Variants in MCPH1 observed in about 807,000 individuals in gnomAD.
MCPH1 encodes the protein microcephalin 1.
In MCPH1, 104 loss-of-function variants were observed where a neutral mutation model predicts 84.5. The observed-to-expected ratio is 1.23, with a 90% CI of 1.05 to 1.45. MCPH1 has a LOEUF of 1.45. MCPH1 is among the 40% of genes most tolerant of loss of function. MCPH1 has a pLI of 0.00. For missense variants in MCPH1, 1,498 were observed against 1,005.7 expected, an observed-to-expected ratio of 1.49 and a Z score of -6.62; for synonymous variants, 514 against 366.8, an observed-to-expected ratio of 1.40 and a Z score of -4.58.
At chr8:6,492,993 A>T (rs1196204822) in intron 11 of MCPH1, among the ~76,000 whole-genome samples, 1 of 152,162 alleles carries the variant, frequency 6.6e-6, no homozygotes, top group African/African-American at 2.4e-5. Context: ...TGCTCTTAGT[A>T]GCCATAATAT....
chr8:6,541,001 C>G (rs1349418156), intron 12 of MCPH1, among the ~76,000 whole-genome samples: 1 of 150,858 alleles, frequency 6.6e-6, no homozygotes, highest in African/African-American at 2.4e-5. Context: ...GCATTCATGA[C>G]CCAGGTTTTG....
chr8:6,516,925 G>A (rs1369846386), intron 12 of MCPH1, among the ~76,000 whole-genome samples: 2 of 152,156 alleles, frequency 1.3e-5, no homozygotes, highest in East Asian at 3.8e-4. Flanking sequence ...AATGATTTGA[G>A]CCATATGAGT....
chr8:6,589,757 G>A (rs554719742), intron 12 of MCPH1, among the ~76,000 whole-genome samples: 5 of 152,292 alleles, frequency 3.3e-5, no homozygotes, highest in Admixed American at 6.5e-5. Flanking sequence ...AATACATTAT[G>A]TGTAAATTGC....
At chr8:6,454,802 G>A (rs1319754488) in intron 8 of MCPH1, among the ~76,000 whole-genome samples, 1 of 152,174 alleles carries the variant, frequency 6.6e-6, no homozygotes, top group African/African-American at 2.4e-5. Context: ...CTACTCTGAA[G>A]AGCTGTTCTT....
At chr8:6,614,398 C>G (rs563397044) in intron 12 of MCPH1, among the ~76,000 whole-genome samples, 1 of 152,338 alleles carries the variant, frequency 6.6e-6, no homozygotes, top group East Asian at 1.9e-4. Flanking sequence ...TCACCCCCAT[C>G]TCCTCCAGAG....
intron 12 of MCPH1, among the ~76,000 whole-genome samples, chr8:6,608,111 G>A (rs1265490469): frequency 6.6e-6 from 1 of 152,126 alleles, no homozygotes; most frequent in Non-Finnish European, 1.5e-5. Flanking sequence ...CTCAGCAGAG[G>A]AACTGGAGAG....
At chr8:6,532,348 G>T in intron 12 of MCPH1, 1 of 1,614,096 alleles carries the variant, frequency 6.2e-7, no homozygotes, top group Non-Finnish European at 8.5e-7. Context: ...TTCCACATCA[G>T]TTAACTTCCG....
chr8:6,425,683 C>G (rs1249186236), intron 3 of MCPH1, among the ~76,000 whole-genome samples: 7 of 152,204 alleles, frequency 4.6e-5, no homozygotes, highest in South Asian at 4.1e-4. Flanking sequence ...GAATCAAGCC[C>G]TTCCTTAAAC....
At chr8:6,480,281 C>A (rs1253525363) in intron 10 of MCPH1, among the ~76,000 whole-genome samples, 1 of 152,120 alleles carries the variant, frequency 6.6e-6, no homozygotes, top group African/African-American at 2.4e-5. Flanking sequence ...CGTGCCACCA[C>A]GCCTGGCTAA....
chr8:6,538,973 T>C (rs1477892265), intron 12 of MCPH1, among the ~76,000 whole-genome samples: 1 of 152,224 alleles, frequency 6.6e-6, no homozygotes, highest in Non-Finnish European at 1.5e-5. Context: ...ATTTGAGGTC[T>C]CCAGACAGAA....
At chr8:6,524,952 C>G (rs914363675) in intron 12 of MCPH1, among the ~76,000 whole-genome samples, 3 of 152,210 alleles carry the variant, frequency 2.0e-5, no homozygotes, top group Admixed American at 2.0e-4. Context: ...AGGGCAGACA[C>G]CCTGCTGTGG....
chr8:6,453,134 G>A (rs1456773423), intron 8 of MCPH1, among the ~76,000 whole-genome samples: 2 of 152,174 alleles, frequency 1.3e-5, no homozygotes, highest in African/African-American at 4.8e-5. Flanking sequence ...AGTCATCCAA[G>A]AAGTGGGAGA....
Position 6,553,118 on chromosome 8 carries a change from A to T in MCPH1, c.2214+53189A>T, listed in dbSNP as rs975911478. Reference sequence around the variant, plus strand: ...GGCTCTGGGTGATAATGATGGGTCAATGTAGATTCATCAGTTGTAACCAGT... The same window carrying T: ...GGCTCTGGGTGATAATGATGGGTCATTGTAGATTCATCAGTTGTAACCAGT... On this transcript the variant is annotated intron_variant, in intron 12 of 13. Coordinates refer to ENST00000344683, the MANE Select transcript of MCPH1 (RefSeq NM_024596.5). Among the ~76,000 whole-genome samples, 4 of 152,112 alleles carry T rather than the reference A, an allele frequency of 2.6e-5. No homozygotes were observed. In the East Asian group the frequency reaches 7.7e-4, roughly 29 times the overall value.
intron 9 of MCPH1, among the ~76,000 whole-genome samples, chr8:6,475,207 C>A (rs1168934996): frequency 1.3e-5 from 2 of 152,252 alleles, no homozygotes; most frequent in Admixed American, 6.5e-5. Flanking sequence ...CCACACTGGG[C>A]TTCCAGTACC....
intron 13 of MCPH1, among the ~76,000 whole-genome samples, chr8:6,632,293 T>A (rs1158040535): frequency 6.6e-6 from 1 of 152,224 alleles, no homozygotes; most frequent in Non-Finnish European, 1.5e-5. Context: ...CGAATGTACT[T>A]CATGCCACTG....
chr8:6,608,553 G>T (rs909524615), intron 12 of MCPH1, among the ~76,000 whole-genome samples: 2 of 152,196 alleles, frequency 1.3e-5, no homozygotes, highest in African/African-American at 4.8e-5. Context: ...CTCACTGACA[G>T]ATGTAAGATT....
chr8:6,416,298 GTCATGTCATGTCA>G (rs1799290978), intron 3 of MCPH1, among the ~76,000 whole-genome samples: 1 of 151,604 alleles, frequency 6.6e-6, no homozygotes, highest in African/African-American at 2.4e-5. Context: ...GTCATGTCAT[GTCATGTCATGTCA>G]TGTTATTTGT....
chr8:6,634,224 T>C (rs1011720035), intron 13 of MCPH1, among the ~76,000 whole-genome samples: 7 of 152,090 alleles, frequency 4.6e-5, no homozygotes, highest in African/African-American at 1.7e-4. Flanking sequence ...GAACTGAAAA[T>C]TGAAGGGAAC....
chr8:6,614,761 G>T (rs1349923698), intron 12 of MCPH1, among the ~76,000 whole-genome samples: 1 of 152,104 alleles, frequency 6.6e-6, no homozygotes, highest in East Asian at 1.9e-4. Flanking sequence ...TGCCTGTGTG[G>T]CCCCCGTGGT....
Sources: allele counts gnomAD v4.1 joint callset (sites outside exome capture counted in the v4.1 genomes callset), GRCh38; gene constraint gnomAD v4.1.1; transcripts MANE v1.5; gene names NCBI Gene and HGNC (gene_info 2026-07-23, HGNC 2026-07-21).